The following ZPBP variants were observed in gnomAD, a reference collection of about 807,000 sequenced individuals.
ZPBP encodes zona pellucida-binding protein 1.
In ZPBP, 26 loss-of-function variants were observed where a neutral mutation model predicts 44.8. That is an observed-to-expected ratio of 0.58 (90% CI 0.43 to 0.81). The LOEUF is 0.81. Among genes scored for constraint, ZPBP ranks in the 30% least tolerant of loss-of-function variants. ZPBP has a pLI of 0.00. For synonymous variants in ZPBP, 174 were observed against 153.2 expected (o/e 1.14, Z -1.00); for missense variants, 409 against 434.0 (o/e 0.94, Z 0.51).
chr7:50,010,244 G>A (rs1380185482), intron 6 of ZPBP, among the ~76,000 whole-genome samples: 1 of 152,038 alleles, frequency 6.6e-6, no homozygotes, highest in East Asian at 1.9e-4. Flanking sequence ...GATAGCTACA[G>A]TAGTCAAGAC....
chr7:49,945,423 G>C (rs1490655984), intron 7 of ZPBP, among the ~76,000 whole-genome samples: 1 of 152,032 alleles, frequency 6.6e-6, no homozygotes, highest in Non-Finnish European at 1.5e-5. Context: ...TGGATAATTT[G>C]TCCAATGCTG....
intron 2 of ZPBP, among the ~76,000 whole-genome samples, chr7:49,854,927 G>C (rs1281803307): frequency 3.3e-5 from 5 of 152,208 alleles, no homozygotes; most frequent in African/African-American, 1.2e-4. Flanking sequence ...CCAATGCCAT[G>C]CACCCTGGTC....
intron 1 of ZPBP, chr7:49,913,795 A>C (rs1277330399): frequency 6.6e-6 from 1 of 152,224 alleles, no homozygotes; most frequent in Non-Finnish European, 1.5e-5. Context: ...TCAATCATTA[A>C]AGACTGAATA....
At chr7:50,032,842 A>G (rs1799662513) in intron 4 of ZPBP, among the ~76,000 whole-genome samples, 1 of 152,192 alleles carries the variant, frequency 6.6e-6, no homozygotes, top group Admixed American at 6.5e-5. Context: ...GCAAATCCTA[A>G]AGTATCTTCA....
chr7:49,912,269 C>A, intron 1 of ZPBP: 1 of 1,402,824 alleles, frequency 7.1e-7, no homozygotes, highest in Non-Finnish European at 9.6e-7. Context: ...AACTATCAGT[C>A]AAAGAAGACT....
intron 2 of ZPBP, among the ~76,000 whole-genome samples, chr7:49,900,128 T>C (rs1003471654): frequency 1.3e-5 from 2 of 151,676 alleles, no homozygotes; most frequent in East Asian, 1.9e-4. Flanking sequence ...AAATAAAAAT[T>C]TAGTTTATTT....
At chr7:49,898,695 A>G (rs1279203655) in intron 2 of ZPBP, among the ~76,000 whole-genome samples, 3 of 152,140 alleles carry the variant, frequency 2.0e-5, no homozygotes, top group Non-Finnish European at 4.4e-5. Flanking sequence ...CAGCAGTAGG[A>G]CAATGGATAA....
At chr7:49,902,753 CATTTGAT>C in intron 1 of ZPBP, among the ~76,000 whole-genome samples, 1 of 152,078 alleles carries the variant, frequency 6.6e-6, no homozygotes, top group East Asian at 1.9e-4. Context: ...AAAATTGATG[CATTTGAT>C]CGCATTGAAA....
chr7:50,079,227 C>T (rs1201375946), intron 3 of ZPBP, among the ~76,000 whole-genome samples: 10 of 151,550 alleles, frequency 6.6e-5, no homozygotes, highest in Admixed American at 6.6e-4. Flanking sequence ...TCTATGAACT[C>T]TGATAAAAGA....
intron 2 of ZPBP, among the ~76,000 whole-genome samples, chr7:49,865,439 G>T (rs1189564011): frequency 6.6e-6 from 1 of 152,182 alleles, no homozygotes. Context: ...AAAACGTAGT[G>T]GCTTCAAGTA....
chr7:49,948,288 T>C (rs1374861088), intron 7 of ZPBP, among the ~76,000 whole-genome samples: 1 of 152,200 alleles, frequency 6.6e-6, no homozygotes, highest in African/African-American at 2.4e-5. Flanking sequence ...GGATAATCAC[T>C]GGAGGGTTCT....
chr7:49,860,943 C>A (rs1790626280), intron 2 of ZPBP, among the ~76,000 whole-genome samples: 1 of 152,144 alleles, frequency 6.6e-6, no homozygotes, highest in Non-Finnish European at 1.5e-5. Context: ...GGACTTTCTG[C>A]CTTTAGAACC....
At chr7:49,906,972 AG>A (rs1793133592) in intron 1 of ZPBP, among the ~76,000 whole-genome samples, 1 of 152,208 alleles carries the variant, frequency 6.6e-6, no homozygotes, top group African/African-American at 2.4e-5. Flanking sequence ...TCCTAAATGC[AG>A]GGGGACCAGT....
chr7:50,071,988 G>A (rs1163585926), intron 3 of ZPBP, among the ~76,000 whole-genome samples: 1 of 152,160 alleles, frequency 6.6e-6, no homozygotes, highest in Non-Finnish European at 1.5e-5. Context: ...CTTGAGAAAT[G>A]CAGAAGGAAA....
intron 4 of ZPBP, among the ~76,000 whole-genome samples, chr7:50,044,819 C>T (rs1043063865): frequency 6.6e-6 from 1 of 152,218 alleles, no homozygotes; most frequent in Non-Finnish European, 1.5e-5. Context: ...TTTTATGAGG[C>T]TGGCATACTC....
At chr7:50,063,533 G>C (rs1239293930) in intron 3 of ZPBP, among the ~76,000 whole-genome samples, 1 of 152,162 alleles carries the variant, frequency 6.6e-6, no homozygotes, top group Non-Finnish European at 1.5e-5. Context: ...GGGAGGATGA[G>C]GCAGATGCCA....
intron 5 of ZPBP, among the ~76,000 whole-genome samples, chr7:50,022,256 ACAGT>A (rs540695088): frequency 5.0e-4 from 76 of 152,254 alleles, no homozygotes; most frequent in Middle Eastern, 6.8e-3. Context: ...GATAAATATA[ACAGT>A]CAGTATTCTT....
intron 6 of ZPBP, among the ~76,000 whole-genome samples, chr7:49,997,038 T>C (rs1024380407): frequency 2.0e-5 from 3 of 152,218 alleles, no homozygotes; most frequent in African/African-American, 4.8e-5. Context: ...CAATTAACTA[T>C]TGAGTTCTTC....
At chr7:50,005,466 G>A (rs1668575181) in intron 6 of ZPBP, among the ~76,000 whole-genome samples, 1 of 151,996 alleles carries the variant, frequency 6.6e-6, no homozygotes, top group African/African-American at 2.4e-5. Flanking sequence ...ATATGAAATT[G>A]TAATTTGTGA....
Sources: gnomAD v4.1 joint callset for allele counts (sites outside exome capture counted in the v4.1 genomes callset) on GRCh38, gnomAD v4.1.1 for gene constraint, MANE v1.5 for transcripts, NCBI Gene and HGNC (gene_info 2026-07-23, HGNC 2026-07-21) for gene names.